Variants in PYGL observed in about 807,000 individuals in gnomAD.
The protein encoded by PYGL is glycogen phosphorylase L.
PYGL carries 90 observed loss-of-function variants against 100.1 expected under a neutral mutation model. The observed-to-expected ratio is 0.90, with a 90% CI of 0.76 to 1.07. The LOEUF (loss-of-function observed/expected upper bound fraction) is 1.07, where lower values mean the gene tolerates loss of function less well. Ranked by LOEUF, PYGL falls within the 50% of genes least tolerant of loss-of-function variation. The pLI, the probability that PYGL is intolerant of heterozygous loss-of-function variation, is 0.00. For synonymous variants in PYGL, 373 were observed against 393.0 expected (o/e 0.95, Z 0.60); for missense variants, 1,016 against 1,057.6 (o/e 0.96, Z 0.55).
chr14:50,937,886 A>T, intron 1 of PYGL, 49 bp from the exon 2 acceptor site: 1 of 1,500,752 alleles, frequency 6.7e-7, no homozygotes, highest in Non-Finnish European at 9.3e-7. Flanking sequence ...GATCAACCTC[A>T]CTTAACATAA....
chr14:50,919,082 T>G (rs1166548458), intron 7 of PYGL, among the ~76,000 whole-genome samples: 1 of 152,186 alleles, frequency 6.6e-6, no homozygotes, highest in East Asian at 1.9e-4. Context: ...AGAACTCCCT[T>G]TTACCCAACA....
intron 1 of PYGL, among the ~76,000 whole-genome samples, chr14:50,941,172 G>A (rs1338923365): frequency 1.3e-5 from 2 of 152,204 alleles, no homozygotes; most frequent in Non-Finnish European, 2.9e-5. Context: ...TGCACAGAAT[G>A]AGACGGGATC....
In PYGL at chr14:50,911,999, C is replaced by A; in HGVS notation, c.1806G>T (p.Arg602Ser). Residue 602 changes from arginine to serine, a missense_variant, in exon 15 of 20, where the codon AGG (arginine) becomes AGT (serine). Physicochemically the swap from Arg to Ser is moderately radical, Grantham distance 110 (BLOSUM62 -1). Coordinates refer to ENST00000216392, the MANE Select transcript of PYGL (RefSeq NM_002863.5). ...TTACTTTACCACCAATGATAACTGT[C>A]CTTGGCACGAATAACTTCTTAGGGT... ...KKDPKKLFVP[R>S]TVIIGGKAAP... The A allele has an allele frequency of 6.2e-7, 1 of 1,613,994 alleles. No homozygotes were observed. Among genetic ancestry groups the A allele is most frequent in the Admixed American group, 1.7e-5 (1 of 60,020 alleles).
intron 3 of PYGL, among the ~76,000 whole-genome samples, chr14:50,934,485 C>T (rs961802778): frequency 1.5e-4 from 23 of 152,130 alleles, no homozygotes; most frequent in Middle Eastern, 3.4e-3. Flanking sequence ...GATAGATCTC[C>T]AAACTAAAAA....
rs757446684 is a variant in PYGL, at chr14:50,913,052, G to A, written c.1597C>T (p.Arg533Trp). ...HSFLGDDVFL[R>W]ELAKVKQENK... ...ACCTGCTTCACCTTGGCGAGTTCCC[G>A]GAGGAAGACATCATCACCCAGGAAG... Residue 533 changes from arginine to tryptophan, a missense_variant, in exon 13 of 20, where the codon CGG becomes TGG. Transcript: ENST00000216392. 1.5e-5 allele frequency: 25 copies of A among 1,613,818 alleles called. No homozygotes were observed. Among genetic ancestry groups the A allele is most frequent in the African/African-American group, 4.0e-5 (3 of 74,920 alleles).
chr14:50,928,888 T>C (rs547221952), intron 4 of PYGL, among the ~76,000 whole-genome samples: 1 of 152,312 alleles, frequency 6.6e-6, no homozygotes, highest in East Asian at 1.9e-4. Context: ...TTTTATGGTA[T>C]GATATATTTT....
chr14:50,939,497 G>A (rs1449325643), intron 1 of PYGL, among the ~76,000 whole-genome samples: 4 of 151,988 alleles, frequency 2.6e-5, no homozygotes, highest in Non-Finnish European at 5.9e-5. Context: ...GTAAAAGTCA[G>A]GCAAATATCA....
intron 6 of PYGL, 70 bp from the exon 7 acceptor site, chr14:50,920,693 T>C: frequency 2.8e-6 from 4 of 1,438,652 alleles, no homozygotes; most frequent in Non-Finnish European, 2.9e-6. Flanking sequence ...TTGATCTCAC[T>C]GGCTCTGTGC....
intron 12 of PYGL, among the ~76,000 whole-genome samples, chr14:50,914,221 T>C (rs1374350510): frequency 1.3e-5 from 2 of 152,150 alleles, no homozygotes; most frequent in Non-Finnish European, 2.9e-5. Context: ...GACGGCTATG[T>C]GTGATGGCTC....
chr14:50,908,680 C>A, intron 18 of PYGL, 141 bp downstream of exon 18: 1 of 1,221,130 alleles, frequency 8.2e-7, no homozygotes, highest in Non-Finnish European at 1.2e-6. Flanking sequence ...TCACGCTAAT[C>A]TATGCTAATC....
At chr14:50,923,761 C>A (rs1236081117) in intron 5 of PYGL, 2 of 385,528 alleles carry the variant, frequency 5.2e-6, no homozygotes, top group Non-Finnish European at 8.7e-6. Flanking sequence ...TTATAAAAGT[C>A]ACTCCTCTCT....
rs532798684 is a variant in PYGL, at chr14:50,923,040, T to C, written c.660+929A>G. On this transcript the variant is annotated intron_variant, in intron 5 of 19. Coordinates refer to ENST00000216392, the MANE Select transcript of PYGL (RefSeq NM_002863.5). ...TGGGTACCAGTTTGGGGTTAATTCA[T>C]GTGATGACTTCAATCTATGAGGCTA... is the stretch of plus-strand genomic sequence containing the variant. 1.1e-4 allele frequency among the ~76,000 whole-genome samples: 16 copies of C among 152,356 alleles called. No individual in the cohort carries two copies. In the South Asian group the frequency reaches 3.1e-3, roughly 30 times the overall value.
rs144570844 is a variant in PYGL at position 50,907,280 on chromosome 14, C to T, written c.2379+991G>A. On this transcript the variant is annotated intron_variant, in intron 19 of 19. Coordinates refer to ENST00000216392, the MANE Select transcript of PYGL (RefSeq NM_002863.5). ...AATTATGAACACCTTTCTCTTTCTA[C>T]GAATTTATATTCTATTGATACAGCC... 3.3e-5 allele frequency among the ~76,000 whole-genome samples: 5 copies of T among 152,000 alleles called. No individual in the cohort carries two copies. The East Asian group carries it at 7.7e-4, about 23-fold the overall frequency.
chr14:50,911,933 A>G (rs1332562548), intron 15 of PYGL, 45 bp downstream of exon 15: 2 of 1,613,056 alleles, frequency 1.2e-6, no homozygotes, highest in Non-Finnish European at 1.7e-6. Context: ...GAAGAATGGC[A>G]AGAGATTAGA....
chr14:50,939,816 T>C (rs7160537), intron 1 of PYGL, among the ~76,000 whole-genome samples: 71,211 of 152,068 alleles, frequency 0.47, 17,991 homozygotes, highest in African/African-American at 0.63. Flanking sequence ...GAATTCAGTA[T>C]AATAAAGGCG....
At chr14:50,916,045 A>AC in intron 9 of PYGL, 74 bp from the exon 10 acceptor site, 2 of 1,590,852 alleles carry the variant, frequency 1.3e-6, no homozygotes, top group Non-Finnish European at 1.7e-6. Context: ...CCCTTCTTCA[A>AC]CCCTGCCCTG....
At chr14:50,906,751 C>G (rs896729208) in intron 19 of PYGL, among the ~76,000 whole-genome samples, 37 of 152,284 alleles carry the variant, frequency 2.4e-4, no homozygotes, top group African/African-American at 8.9e-4. Flanking sequence ...CTCCAATGTA[C>G]AGGAAGCAGG....
Position 50,915,844 on chromosome 14 carries a change from A to C in PYGL, c.1220T>G (p.Ile407Arg). The change falls in exon 10 of 20, where the codon ATA becomes AGA. Residue 407 changes from isoleucine to arginine, a missense_variant. By Grantham distance (97) the Ile-to-Arg change is moderately conservative (BLOSUM62 -3). Coordinates refer to ENST00000216392, the MANE Select transcript of PYGL (RefSeq NM_002863.5). ...LPRHLEIIYE[I>R]NQKHLDRIVA... Reference sequence around the variant, plus strand: ...ACTTACATCTAAATGCTTCTGATTTATCTCATAAATGATTTCCAAATGTCG... The same window carrying C: ...ACTTACATCTAAATGCTTCTGATTTCTCTCATAAATGATTTCCAAATGTCG... 1 of 1,614,168 alleles carries C rather than the reference A, an allele frequency of 6.2e-7. No individual in the cohort carries two copies. Among genetic ancestry groups the C allele is most frequent in the Non-Finnish European group, 8.5e-7 (1 of 1,179,996 alleles).
chr14:50,905,620 T>C, intron 19 of PYGL, 64 bp from the exon 20 acceptor site: 1 of 1,482,872 alleles, frequency 6.7e-7, no homozygotes, highest in African/African-American at 1.4e-5. Flanking sequence ...ATAATAAACA[T>C]CAGCCAAGCA....
Sources: allele counts gnomAD v4.1 joint callset (sites outside exome capture counted in the v4.1 genomes callset), GRCh38; gene constraint gnomAD v4.1.1; transcripts MANE v1.5; gene names NCBI Gene and HGNC (gene_info 2026-07-23, HGNC 2026-07-21).